The following SLF1 variants were observed in gnomAD, a reference collection of about 807,000 sequenced individuals.
SLF1 encodes the protein SMC5-SMC6 complex localization factor protein 1.
SLF1 carries 105 observed loss-of-function variants against 123.0 expected under a neutral mutation model. That is an observed-to-expected ratio of 0.85 (90% CI 0.73 to 1.00). SLF1 has a LOEUF of 1.00. Ranked by LOEUF, SLF1 falls within the 50% of genes least tolerant of loss-of-function variation. SLF1 has a pLI of 0.00. For synonymous variants in SLF1, 434 were observed against 406.6 expected, an observed-to-expected ratio of 1.07 and a Z score of -0.81; for missense variants, 1,239 against 1,223.0, an observed-to-expected ratio of 1.01 and a Z score of -0.20.
At chr5:94,640,604 A>G (rs950205323) in intron 4 of SLF1, among the ~76,000 whole-genome samples, 3 of 151,990 alleles carry the variant, frequency 2.0e-5, no homozygotes, top group African/African-American at 7.2e-5. Flanking sequence ...TTCTTCTGGA[A>G]CTCCATTGCA....
intron 3 of SLF1, 99 bp from the exon 4 acceptor site, chr5:94,630,404 C>G: frequency 7.5e-7 from 1 of 1,340,294 alleles, no homozygotes; most frequent in Non-Finnish European, 1.0e-6. Context: ...GCTTAAGAGT[C>G]TTATCTTGAA....
intron 9 of SLF1, among the ~76,000 whole-genome samples, chr5:94,658,484 C>A (rs1748698853): frequency 6.6e-6 from 1 of 151,646 alleles, no homozygotes; most frequent in Non-Finnish European, 1.5e-5. Context: ...ATGAATGTGT[C>A]ATCTTATTCT....
chr5:94,697,295 G>A lies in SLF1; in HGVS notation c.*1983G>A, dbSNP rs1467090952. On this transcript the variant is annotated 3_prime_UTR_variant, in exon 21 of 21. Transcript: ENST00000265140. ...ATATGAGTATGAATCTAAATGTTCA[G>A]GAAAAGGCTTCATTCCCAAAATTAC... 6.6e-6 allele frequency: 1 copy of A among 151,708 alleles called. No individual in the cohort carries two copies. The highest frequency in any genetic ancestry group is 1.5e-5 in the Non-Finnish European group (1 of 67,826). 9.4% of individuals were successfully genotyped at this position (151,708 alleles called of 1,614,324 possible).
intron 5 of SLF1, among the ~76,000 whole-genome samples, chr5:94,645,618 A>G (rs1746940479): frequency 6.6e-6 from 1 of 152,224 alleles, no homozygotes; most frequent in Non-Finnish European, 1.5e-5. Flanking sequence ...TATACCATGC[A>G]TTATCTACAA....
intron 15 of SLF1, among the ~76,000 whole-genome samples, chr5:94,683,862 A>G (rs1752092623): frequency 6.6e-6 from 1 of 152,230 alleles, no homozygotes; most frequent in Non-Finnish European, 1.5e-5. Context: ...CTGTTCATTC[A>G]TTCATCTGTC....
At chr5:94,626,229 G>C (rs1183633564) in intron 1 of SLF1, among the ~76,000 whole-genome samples, 1 of 150,630 alleles carries the variant, frequency 6.6e-6, no homozygotes, top group African/African-American at 2.4e-5. Context: ...CTCCAGCCTG[G>C]GCGACAGAGT....
chr5:94,638,952 G>C (rs557899742), intron 4 of SLF1, among the ~76,000 whole-genome samples: 1 of 151,376 alleles, frequency 6.6e-6, no homozygotes, highest in South Asian at 2.1e-4. Context: ...GCATTGTTGA[G>C]GACATTTACA....
intron 5 of SLF1, among the ~76,000 whole-genome samples, chr5:94,644,679 A>G (rs577266503): frequency 6.6e-6 from 1 of 152,212 alleles, no homozygotes; most frequent in African/African-American, 2.4e-5. Flanking sequence ...TCCTGTTACA[A>G]TGTTACTCTA....
chr5:94,656,947 T>C (rs12189060), intron 9 of SLF1, among the ~76,000 whole-genome samples: 89,616 of 149,656 alleles, frequency 0.6, 27,469 homozygotes, highest in African/African-American at 0.74. Context: ...TTCATTGATC[T>C]TATGTGTTTT....
At chr5:94,629,209 G>C in intron 3 of SLF1, 42 bp downstream of exon 3, 1 of 1,434,202 alleles carries the variant, frequency 7.0e-7, no homozygotes, top group Non-Finnish European at 9.5e-7. Flanking sequence ...AACAATCTTC[G>C]TGTTAAAGCA....
intron 9 of SLF1, among the ~76,000 whole-genome samples, chr5:94,661,437 T>C (rs1749092099): frequency 6.6e-6 from 1 of 152,198 alleles, no homozygotes; most frequent in African/African-American, 2.4e-5. Context: ...CAGTGTGTGA[T>C]TATCTACTCA....
At chr5:94,619,826 G>A (rs894354528) in intron 1 of SLF1, among the ~76,000 whole-genome samples, 2 of 152,118 alleles carry the variant, frequency 1.3e-5, no homozygotes, top group African/African-American at 4.8e-5. Flanking sequence ...AGTATGAGGT[G>A]AATTTATATT....
intron 15 of SLF1, among the ~76,000 whole-genome samples, chr5:94,684,038 C>T (rs1020639087): frequency 1.3e-5 from 2 of 152,066 alleles, no homozygotes; most frequent in African/African-American, 2.4e-5. Flanking sequence ...GGTAATATGT[C>T]GACCTGTCAT....
At chr5:94,691,488 A>T (rs1335002984) in intron 18 of SLF1, 76 bp from the exon 19 acceptor site, 1 of 1,106,042 alleles carries the variant, frequency 9.0e-7, no homozygotes, top group African/African-American at 1.7e-5. Flanking sequence ...CAGATCTCCT[A>T]GTTCATGCCC....
chr5:94,645,072 A>G (rs1746866013), intron 5 of SLF1, among the ~76,000 whole-genome samples: 1 of 152,148 alleles, frequency 6.6e-6, no homozygotes, highest in South Asian at 2.1e-4. Flanking sequence ...ACTATGGATA[A>G]TCTCATTGTC....
intron 20 of SLF1, among the ~76,000 whole-genome samples, chr5:94,693,275 A>G (rs1166451359): frequency 6.6e-6 from 1 of 151,972 alleles, no homozygotes; most frequent in Non-Finnish European, 1.5e-5. Context: ...TTCATAGTCA[A>G]TGTTTTTCAG....
At chr5:94,641,711 C>T (rs1347761493) in intron 4 of SLF1, among the ~76,000 whole-genome samples, 3 of 152,122 alleles carry the variant, frequency 2.0e-5, no homozygotes, top group Admixed American at 6.5e-5. Context: ...AGCTTCAGGT[C>T]GAGGGTGTGG....
chr5:94,678,849 T>G lies in SLF1; in HGVS notation c.1869T>G (p.Leu623=), dbSNP rs993334975. 2.7e-5 allele frequency: 44 copies of G among 1,613,580 alleles called. No homozygotes were observed. In the East Asian group the frequency reaches 9.4e-4, roughly 34 times the overall value. ...TAGCTTACTTATTGGCTGGAATTCT[T>G]GGAGCAGCAATAGATTATTGGATTT... The part of the protein sequence containing the change: ...HELAYLLAGI[L]GAAIDYWIFL... Residue 623 remains leucine (L), a synonymous_variant, in exon 15 of 21, where the codon CTT becomes CTG. Coordinates refer to ENST00000265140, the MANE Select transcript of SLF1 (RefSeq NM_032290.4).
chr5:94,691,520 A>T, intron 18 of SLF1, 44 bp from the exon 19 acceptor site: 1 of 1,498,566 alleles, frequency 6.7e-7, no homozygotes, highest in South Asian at 1.2e-5. Context: ...TTTTTAGTTG[A>T]TATCTTGTCT....
Sources: allele counts gnomAD v4.1 joint callset (sites outside exome capture counted in the v4.1 genomes callset), GRCh38; gene constraint gnomAD v4.1.1; transcripts MANE v1.5; gene names NCBI Gene and HGNC (gene_info 2026-07-23, HGNC 2026-07-21).